The following ELMO1 variants were observed in gnomAD, a reference collection of about 807,000 sequenced individuals.
The protein encoded by ELMO1 is engulfment and cell motility 1, also known as engulfment and cell motility protein 1.
In ELMO1, 26 loss-of-function variants were observed where a neutral mutation model predicts 98.9. The observed-to-expected ratio is 0.26, with a 90% confidence interval of 0.19 to 0.36. ELMO1 has a LOEUF of 0.36. Among genes scored for constraint, ELMO1 ranks in the 10% least tolerant of loss-of-function variants. The pLI is 1.00. For synonymous variants in ELMO1, 346 were observed against 346.0 expected (o/e 1.00, Z 0.00); for missense variants, 627 against 935.2 (o/e 0.67, Z 4.30).
At chr7:36,869,891 A>G (rs1362988767) in intron 20 of ELMO1, among the ~76,000 whole-genome samples, 12 of 152,198 alleles carry the variant, frequency 7.9e-5, no homozygotes, top group Admixed American at 2.6e-4. Flanking sequence ...ACAATGCTGA[A>G]GGGTATCAGG....
rs577670681 is a variant in ELMO1, at chr7:37,019,978, T to C, written c.1301-6543A>G. ...GTACACTTATGTACCACTTTGCCTG[T>C]CAAAGTAGATATGTTCCTATTTTTC... On this transcript the variant is annotated intron_variant, in intron 15 of 21. Transcript: ENST00000310758. 9.1e-4 allele frequency among the ~76,000 whole-genome samples: 139 copies of C among 152,336 alleles called. 1 individual carries two copies. Among genetic ancestry groups the C allele is most frequent in the Admixed American group, 4.3e-3 (66 of 15,310 alleles).
chr7:37,017,977 G>C (rs1794040389), intron 15 of ELMO1, among the ~76,000 whole-genome samples: 1 of 152,054 alleles, frequency 6.6e-6, no homozygotes, highest in African/African-American at 2.4e-5. Context: ...TAGAACTTTA[G>C]ACAAATAAAC....
At chr7:36,897,629 C>T (rs1312791778) in intron 16 of ELMO1, among the ~76,000 whole-genome samples, 4 of 152,108 alleles carry the variant, frequency 2.6e-5, no homozygotes, top group Non-Finnish European at 2.9e-5. Context: ...TTTTAAAAAT[C>T]GCCTGCATTT....
At position 36,853,843 on chromosome 7, in the gene ELMO1, T is replaced by C. The variant is rs1215120400; in HGVS notation, c.*1708A>G. On this transcript the variant is annotated 3_prime_UTR_variant, in exon 22 of 22. Coordinates refer to ENST00000310758, the MANE Select transcript of ELMO1 (RefSeq NM_014800.11). ...TGCTGGGAGTTTACAATCCTGATAA[T>C]GCCTCCAGTGCAAATGACTTAAGAA... 1.3e-5 allele frequency among the ~76,000 whole-genome samples: 2 copies of C among 152,212 alleles called. No homozygotes were observed. Among genetic ancestry groups the C allele is most frequent in the Non-Finnish European group, 2.9e-5 (2 of 68,040 alleles).
chr7:37,446,635 G>A (rs890612954), intron 1 of ELMO1, among the ~76,000 whole-genome samples: 1 of 152,176 alleles, frequency 6.6e-6, no homozygotes, highest in Non-Finnish European at 1.5e-5. Flanking sequence ...ACCATCACTA[G>A]AACTGCCCAT....
chr7:36,986,533 G>T (rs188271772), intron 16 of ELMO1: 1 of 152,596 alleles, frequency 6.6e-6, no homozygotes, highest in East Asian at 1.9e-4. Context: ...TGGGAGAAGT[G>T]GGGGAGTGCC....
intron 1 of ELMO1, among the ~76,000 whole-genome samples, chr7:37,385,560 A>G (rs1802764328): frequency 6.6e-6 from 1 of 152,126 alleles, no homozygotes; most frequent in Non-Finnish European, 1.5e-5. Flanking sequence ...TATTTTCTTG[A>G]TGGCACTTCT....
chr7:36,981,227 C>T (rs903541407), intron 16 of ELMO1, among the ~76,000 whole-genome samples: 9 of 150,312 alleles, frequency 6.0e-5, no homozygotes, highest in East Asian at 2.0e-4. Context: ...TCATTTCACC[C>T]GTTTGATTTG....
At chr7:37,413,127 A>C (rs763901840) in intron 1 of ELMO1, among the ~76,000 whole-genome samples, 4 of 134,936 alleles carry the variant, frequency 3.0e-5, no homozygotes, top group Non-Finnish European at 4.8e-5. Context: ...AACTTGACCA[A>C]ATTTTTTTTT....
intron 15 of ELMO1, among the ~76,000 whole-genome samples, chr7:37,052,858 C>G (rs1796182252): frequency 6.6e-6 from 1 of 152,128 alleles, no homozygotes; most frequent in South Asian, 2.1e-4. Context: ...CGTTCAGCAC[C>G]AAGGAGAGCA....
chr7:36,890,323 A>G (rs370166144), intron 17 of ELMO1, among the ~76,000 whole-genome samples: 58 of 152,340 alleles, frequency 3.8e-4, no homozygotes, highest in Middle Eastern at 3.4e-3. Flanking sequence ...CCATGCACAG[A>G]AGACAGACAG....
chr7:37,141,773 T>G (rs1288458140), intron 13 of ELMO1, among the ~76,000 whole-genome samples: 2 of 147,388 alleles, frequency 1.4e-5, no homozygotes, highest in Admixed American at 1.4e-4. Flanking sequence ...TTTTCTAACT[T>G]TGGTGCTGGA....
intron 1 of ELMO1, among the ~76,000 whole-genome samples, chr7:37,434,186 T>C (rs1253047553): frequency 1.1e-4 from 17 of 152,214 alleles, no homozygotes; most frequent in Admixed American, 1.1e-3. Context: ...TTCCATCCTC[T>C]TCTGGTTGCC....
chr7:37,205,169 A>C (rs1422877381), intron 13 of ELMO1, among the ~76,000 whole-genome samples: 2 of 152,166 alleles, frequency 1.3e-5, no homozygotes, highest in Non-Finnish European at 2.9e-5. Flanking sequence ...TCCATAGTTT[A>C]CTGCTGCCCA....
chr7:37,340,713 A>G (rs912897884), intron 2 of ELMO1, among the ~76,000 whole-genome samples: 9 of 152,336 alleles, frequency 5.9e-5, no homozygotes, highest in African/African-American at 2.2e-4. Flanking sequence ...TAAATCTAAA[A>G]TTATTCCAAA....
Position 37,181,116 on chromosome 7 carries a change from A to T in ELMO1, c.1086+30270T>A, listed in dbSNP as rs1584773018. On this transcript the variant is annotated intron_variant, in intron 13 of 21. Transcript: ENST00000310758. Reference sequence around the variant, plus strand: ...TTTTACCTCAGTAAGAATAAAAATAATAACGACAGTCCCAAGAGACTCTCC... The same window carrying T: ...TTTTACCTCAGTAAGAATAAAAATATTAACGACAGTCCCAAGAGACTCTCC... 2.0e-5 allele frequency among the ~76,000 whole-genome samples: 3 copies of T among 152,226 alleles called. No homozygotes were observed. The South Asian group carries it at 6.2e-4, about 31-fold the overall frequency.
At chr7:37,301,861 A>G (rs1362461014) in intron 4 of ELMO1, among the ~76,000 whole-genome samples, 2 of 152,194 alleles carry the variant, frequency 1.3e-5, no homozygotes, top group African/African-American at 2.4e-5. Context: ...TCATTTATCA[A>G]TGGAGAAAAT....
chr7:37,412,622 G>A (rs150248815), intron 1 of ELMO1, among the ~76,000 whole-genome samples: 4,095 of 152,076 alleles, frequency 0.027, 131 homozygotes, highest in Non-Finnish European at 0.032. Context: ...TAAAACATGG[G>A]TGCATATCCT....
intron 13 of ELMO1, among the ~76,000 whole-genome samples, chr7:37,134,488 G>A (rs1468540420): frequency 6.6e-6 from 1 of 151,732 alleles, no homozygotes; most frequent in Non-Finnish European, 1.5e-5. Flanking sequence ...GAACCTGGGA[G>A]GCGGAGGTTG....
Sources: allele counts gnomAD v4.1 joint callset (sites outside exome capture counted in the v4.1 genomes callset), GRCh38; gene constraint gnomAD v4.1.1; transcripts MANE v1.5; gene names NCBI Gene and HGNC (gene_info 2026-07-23, HGNC 2026-07-21).